The following ATXN8OS variants were observed in gnomAD, a reference collection of about 807,000 sequenced individuals.
ATXN8OS encodes ATXN8 opposite strand lncRNA, also known as ATXN8 opposite strand (non-protein coding).
intron 2 of ATXN8OS, among the ~76,000 whole-genome samples, chr13:70,129,539 A>G (rs1218976816): frequency 6.6e-6 from 1 of 152,148 alleles, no homozygotes; most frequent in Non-Finnish European, 1.5e-5. Context: ...TGTTTAATAC[A>G]AGGTCATGTA....
chr13:70,166,914 A>G (rs2137508098), intron 4 of ATXN8OS, among the ~76,000 whole-genome samples: 1 of 151,804 alleles, frequency 6.6e-6, no homozygotes, highest in South Asian at 2.1e-4. Context: ...CACATGAAAA[A>G]ATGCTCATCA....
chr13:70,155,059 C>T (rs1003078951), intron 4 of ATXN8OS, among the ~76,000 whole-genome samples: 4 of 152,174 alleles, frequency 2.6e-5, no homozygotes, highest in Non-Finnish European at 2.9e-5. Flanking sequence ...TTGTTCCGGG[C>T]GCAGTCTTTT....
At chr13:70,152,464 C>T (rs560591958) in intron 4 of ATXN8OS, among the ~76,000 whole-genome samples, 1 of 151,392 alleles carries the variant, frequency 6.6e-6, no homozygotes, top group East Asian at 1.9e-4. Context: ...TATGTGTATA[C>T]ATGTATACAC....
chr13:70,139,351 T>TTACTACTACTACTACTACTACTAC (rs375568204), intron 3 of ATXN8OS: 53 of 548,212 alleles, frequency 9.7e-5, no homozygotes, highest in African/African-American at 3.0e-4. Context: ...AAACCTGGCT[T>TTACTACTACTACTACTACTACTAC]TACTACTACT....
intron 2 of ATXN8OS, among the ~76,000 whole-genome samples, chr13:70,123,382 C>A (rs1888388281): frequency 6.6e-6 from 1 of 152,080 alleles, no homozygotes; most frequent in Non-Finnish European, 1.5e-5. Context: ...CATCTCTAGT[C>A]ACTAGAGTGA....
At chr13:70,107,685 C>A, upstream of ATXN8OS, 1 of 1,528,660 alleles carries the variant, frequency 6.5e-7, no homozygotes, top group Non-Finnish European at 8.8e-7. Flanking sequence ...AGTCTTTTCG[C>A]CCAGAGCCTG....
chr13:70,137,963 C>T (rs1199675844), intron 3 of ATXN8OS, among the ~76,000 whole-genome samples: 1 of 152,140 alleles, frequency 6.6e-6, no homozygotes, highest in Non-Finnish European at 1.5e-5. Flanking sequence ...CATGGTGGAG[C>T]AGGGGATAGA....
At chr13:70,142,998 G>A (rs982897360) in intron 3 of ATXN8OS, among the ~76,000 whole-genome samples, 2 of 151,710 alleles carry the variant, frequency 1.3e-5, no homozygotes, top group African/African-American at 2.4e-5. Flanking sequence ...CCTTGAACCC[G>A]GGAGGCAGAG....
chr13:70,147,026 T>C (rs1174672838), intron 3 of ATXN8OS, among the ~76,000 whole-genome samples: 1 of 152,204 alleles, frequency 6.6e-6, no homozygotes, highest in African/African-American at 2.4e-5. Flanking sequence ...ATTAAGTATG[T>C]GTTTTTGCAA....
At chr13:70,153,485 G>T (rs1479412143) in intron 4 of ATXN8OS, among the ~76,000 whole-genome samples, 1 of 152,144 alleles carries the variant, frequency 6.6e-6, no homozygotes, top group Non-Finnish European at 1.5e-5. Context: ...TGAGGCAGGA[G>T]AATCGCATGA....
chr13:70,167,872 A>G (rs960957083), intron 4 of ATXN8OS, among the ~76,000 whole-genome samples: 3 of 151,560 alleles, frequency 2.0e-5, no homozygotes, highest in African/African-American at 7.3e-5. Flanking sequence ...TGTAGCTTGG[A>G]CTACAGGCGT....
chr13:70,126,941 T>A (rs554854040), intron 2 of ATXN8OS, among the ~76,000 whole-genome samples: 1 of 151,824 alleles, frequency 6.6e-6, no homozygotes, highest in African/African-American at 2.4e-5. Flanking sequence ...TATGTACCTA[T>A]CTATATATAC....
intron 4 of ATXN8OS, among the ~76,000 whole-genome samples, chr13:70,169,023 G>A (rs1256982281): frequency 1.3e-5 from 2 of 152,010 alleles, no homozygotes; most frequent in East Asian, 3.9e-4. Context: ...CTAATGATGA[G>A]AACAGACCTA....
chr13:70,146,505 A>G lies in ATXN8OS; in HGVS notation n.500-850A>G, dbSNP rs1281834445. ...CACTATTCACAATAGCAAAGACTTG[A>G]AACCAACCCAAATGTCCAACAACGA... On this transcript the variant is annotated intron_variant and non_coding_transcript_variant, in intron 3 of 4. Coordinates refer to ENST00000678624, the Ensembl canonical transcript of ATXN8OS. 2.0e-5 allele frequency among the ~76,000 whole-genome samples: 3 copies of G among 152,132 alleles called. No individual in the cohort carries two copies. The East Asian group carries it at 5.8e-4, about 29-fold the overall frequency.
chr13:70,146,845 C>T (rs1033751189), intron 3 of ATXN8OS, among the ~76,000 whole-genome samples: 1 of 152,018 alleles, frequency 6.6e-6, no homozygotes, highest in East Asian at 1.9e-4. Context: ...AGCACACCAG[C>T]ATGGCACATG....
chr13:70,109,827 A>G (rs1158557766), intron 1 of ATXN8OS, among the ~76,000 whole-genome samples: 1 of 152,216 alleles, frequency 6.6e-6, no homozygotes. Context: ...CATCACAAAC[A>G]GGACAGAGGA....
chr13:70,166,134 T>C (rs1476027872), intron 4 of ATXN8OS, among the ~76,000 whole-genome samples: 1 of 152,002 alleles, frequency 6.6e-6, no homozygotes, highest in Non-Finnish European at 1.5e-5. Flanking sequence ...ATGCTGACTA[T>C]TGTCAACCAA....
At chr13:70,109,540 C>T (rs571713366) in intron 1 of ATXN8OS, among the ~76,000 whole-genome samples, 45 of 151,810 alleles carry the variant, frequency 3.0e-4, no homozygotes, top group Non-Finnish European at 5.9e-4. Context: ...CAAAGTTGGA[C>T]GCTTTAATAA....
chr13:70,108,895 A>G (rs1888151431), intron 1 of ATXN8OS, among the ~76,000 whole-genome samples: 1 of 152,176 alleles, frequency 6.6e-6, no homozygotes, highest in Non-Finnish European at 1.5e-5. Flanking sequence ...TTACATTGTG[A>G]TTCTGCTATT....
Sources: allele counts gnomAD v4.1 joint callset (sites outside exome capture counted in the v4.1 genomes callset), GRCh38; gene constraint gnomAD v4.1.1; transcripts MANE v1.5; gene names NCBI Gene and HGNC (gene_info 2026-07-23, HGNC 2026-07-21).